Variants in UNC5D observed in about 807,000 individuals in gnomAD.
UNC5D encodes the protein netrin receptor UNC5D.
Under a neutral mutation model 105.4 loss-of-function variants are expected in UNC5D, and 39 were observed. That is an observed-to-expected ratio of 0.37 (90% CI 0.29 to 0.48). The LOEUF (loss-of-function observed/expected upper bound fraction) is 0.48. Ranked by LOEUF, UNC5D falls within the 20% of genes least tolerant of loss-of-function variation. The probability of loss-of-function intolerance (pLI) is 0.98; values close to 1 mark genes in which losing one functional copy is unlikely to be tolerated. For synonymous variants in UNC5D, 452 were observed against 450.4 expected, an observed-to-expected ratio of 1.00 and a Z score of -0.04; for missense variants, 991 against 1,202.4, an observed-to-expected ratio of 0.82 and a Z score of 2.60.
chr8:35,281,045 C>T (rs1020873494), intron 1 of UNC5D, among the ~76,000 whole-genome samples: 1 of 152,110 alleles, frequency 6.6e-6, no homozygotes, highest in Admixed American at 6.5e-5. Flanking sequence ...TTTCTGTTCC[C>T]GTTGCCGGAA....
In UNC5D at chr8:35,592,857, C is replaced by T. The variant is rs138328358; in HGVS notation, c.467-2697C>T. On this transcript the variant is annotated intron_variant, in intron 3 of 16. Coordinates refer to ENST00000404895, the MANE Select transcript of UNC5D (RefSeq NM_080872.4). Reference sequence around the variant, plus strand: ...TAATCTTTGTTCTTTTTATGTACACCTTTGGGAGGGAAATGTGTGTCTTGC... The same window carrying T: ...TAATCTTTGTTCTTTTTATGTACACTTTTGGGAGGGAAATGTGTGTCTTGC... Among the ~76,000 whole-genome samples, 942 of 152,136 alleles carry T rather than the reference C, an allele frequency of 6.2e-3. 4 individuals are homozygous for T. The highest frequency in any genetic ancestry group is 0.022 in the African/African-American group (909 of 41,524).
At chr8:35,782,502 A>T (rs113041795) in intron 16 of UNC5D, among the ~76,000 whole-genome samples, 122 of 138,210 alleles carry the variant, frequency 8.8e-4, no homozygotes, top group South Asian at 2.6e-3. Context: ...CTACTCAAAA[A>T]TTTTTTTTTT....
At chr8:35,655,728 G>A (rs1823686100) in intron 4 of UNC5D, among the ~76,000 whole-genome samples, 1 of 152,166 alleles carries the variant, frequency 6.6e-6, no homozygotes, top group Non-Finnish European at 1.5e-5. Flanking sequence ...TGGTAGAATA[G>A]CCAGATGGAG....
intron 1 of UNC5D, among the ~76,000 whole-genome samples, chr8:35,530,852 C>T (rs956764263): frequency 1.9e-4 from 27 of 144,702 alleles, no homozygotes; most frequent in African/African-American, 7.3e-4. Context: ...TTGTAATATT[C>T]TCTGATGGTA....
intron 1 of UNC5D, among the ~76,000 whole-genome samples, chr8:35,548,580 G>A (rs1170602202): frequency 1.3e-5 from 2 of 152,182 alleles, no homozygotes; most frequent in Non-Finnish European, 2.9e-5. Context: ...GGAGAATCCA[G>A]TTTATTCCTT....
chr8:35,271,473 ATATT>A (rs1805327337), intron 1 of UNC5D, among the ~76,000 whole-genome samples: 1 of 141,092 alleles, frequency 7.1e-6, no homozygotes, highest in Non-Finnish European at 1.6e-5. Context: ...AGGTATACCT[ATATT>A]TATACAGGTA....
chr8:35,471,856 G>A (rs947067786), intron 1 of UNC5D, among the ~76,000 whole-genome samples: 1 of 152,184 alleles, frequency 6.6e-6, no homozygotes, highest in African/African-American at 2.4e-5. Flanking sequence ...AAAAGAGGAA[G>A]CTGCCATTAC....
intron 1 of UNC5D, among the ~76,000 whole-genome samples, chr8:35,400,930 C>T (rs1428459344): frequency 6.6e-6 from 1 of 152,050 alleles, no homozygotes; most frequent in Non-Finnish European, 1.5e-5. Flanking sequence ...ATATATAATG[C>T]CTGTTTATTA....
At chr8:35,586,967 C>T (rs1818831043) in intron 3 of UNC5D, among the ~76,000 whole-genome samples, 1 of 152,018 alleles carries the variant, frequency 6.6e-6, no homozygotes. Flanking sequence ...AGGAAAATGA[C>T]AAAAAAGGCC....
chr8:35,351,032 T>C (rs1812198496), intron 1 of UNC5D, among the ~76,000 whole-genome samples: 1 of 152,108 alleles, frequency 6.6e-6, no homozygotes, highest in South Asian at 2.1e-4. Context: ...AATATTTCTT[T>C]CTGCTGACTT....
chr8:35,774,238 A>C, intron 15 of UNC5D, 61 bp from the exon 16 acceptor site: 1 of 1,581,560 alleles, frequency 6.3e-7, no homozygotes, highest in Non-Finnish European at 8.6e-7. Flanking sequence ...TAAAAAATGA[A>C]AGTGTTGGTC....
chr8:35,340,753 A>G (rs1811401838), intron 1 of UNC5D, among the ~76,000 whole-genome samples: 1 of 152,170 alleles, frequency 6.6e-6, no homozygotes, highest in Non-Finnish European at 1.5e-5. Context: ...GATTTTCATA[A>G]TAGCCACAGA....
intron 2 of UNC5D, among the ~76,000 whole-genome samples, chr8:35,563,275 A>G (rs1001218629): frequency 7.2e-6 from 1 of 138,082 alleles, no homozygotes; most frequent in Non-Finnish European, 1.5e-5. Context: ...GTCCTCTTCG[A>G]TTTCTTTCAC....
Position 35,595,544 on chromosome 8 carries a change from T to A in UNC5D, c.467-10T>A. ...AAACAAAGTGTCACCTATCTCATGC[T>A]TCTTTGCAGATTTACGGAAAAACTT... On this transcript the variant is annotated splice_polypyrimidine_tract_variant and intron_variant, in intron 3 of 16. Transcript: ENST00000404895. 3 of 1,613,502 alleles carry A rather than the reference T, an allele frequency of 1.9e-6. No individual in the cohort carries two copies. Among genetic ancestry groups the A allele is most frequent in the Non-Finnish European group, 2.5e-6 (3 of 1,179,494 alleles).
At chr8:35,487,692 G>A (rs977381903) in intron 1 of UNC5D, among the ~76,000 whole-genome samples, 5 of 152,106 alleles carry the variant, frequency 3.3e-5, no homozygotes, top group Non-Finnish European at 7.4e-5. Context: ...CTAAAAATGC[G>A]GAGTGGCTTT....
chr8:35,579,238 C>T (rs1026370767), intron 3 of UNC5D, among the ~76,000 whole-genome samples: 1 of 152,170 alleles, frequency 6.6e-6, no homozygotes, highest in Non-Finnish European at 1.5e-5. Flanking sequence ...ATTTCACATC[C>T]TTCCACCAGC....
chr8:35,314,515 A>T (rs926415271), intron 1 of UNC5D, among the ~76,000 whole-genome samples: 6 of 152,202 alleles, frequency 3.9e-5, no homozygotes, highest in African/African-American at 1.4e-4. Flanking sequence ...TAAAAAGAAA[A>T]GCAATTAGTA....
At chr8:35,511,555 T>TAGA (rs1453829688) in intron 1 of UNC5D, among the ~76,000 whole-genome samples, 1 of 150,408 alleles carries the variant, frequency 6.6e-6, no homozygotes, top group Non-Finnish European at 1.5e-5. Context: ...CTATGTTAAA[T>TAGA]AGAAGAAAAC....
intron 1 of UNC5D, among the ~76,000 whole-genome samples, chr8:35,403,408 C>T (rs1486871067): frequency 6.6e-6 from 1 of 152,196 alleles, no homozygotes; most frequent in Non-Finnish European, 1.5e-5. Context: ...CATTGTGATG[C>T]ATAGACTGTG....
Sources: allele counts gnomAD v4.1 joint callset (sites outside exome capture counted in the v4.1 genomes callset), GRCh38; gene constraint gnomAD v4.1.1; transcripts MANE v1.5; gene names NCBI Gene and HGNC (gene_info 2026-07-23, HGNC 2026-07-21).